The following CREBBP variants were observed in gnomAD, a reference collection of about 807,000 sequenced individuals.
CREBBP encodes CREB binding lysine acetyltransferase, also known as CREB-binding protein.
A neutral mutation model predicts 265.0 loss-of-function variants in CREBBP; 19 were observed. The observed-to-expected ratio is 0.07, with a 90% CI of 0.05 to 0.11. The LOEUF is 0.11. Ranked by LOEUF, CREBBP falls within the 10% of genes least tolerant of loss-of-function variation. The pLI is 1.00. For synonymous variants in CREBBP, 1,457 were observed against 1,223.7 expected (o/e 1.19, Z -3.98); for missense variants, 2,525 against 3,219.0 (o/e 0.78, Z 5.22).
chr16:3,733,937 C>T (rs956947206), intron 28 of CREBBP, among the ~76,000 whole-genome samples: 8 of 152,178 alleles, frequency 5.3e-5, no homozygotes, highest in Admixed American at 1.3e-4. Context: ...CCACCACGCC[C>T]GGCCTGGAAG....
chr16:3,812,474 C>T (rs1303009665), intron 2 of CREBBP, among the ~76,000 whole-genome samples: 1 of 151,892 alleles, frequency 6.6e-6, no homozygotes, highest in Non-Finnish European at 1.5e-5. Flanking sequence ...CCACTGCGCC[C>T]GGCCTAAAAT....
rs2051767551 is a variant in CREBBP at position 3,727,216 on chromosome 16, G to C, written c.*502C>G. 1 of 255,336 alleles carries C rather than the reference G, an allele frequency of 3.9e-6. No individual in the cohort carries two copies. Among genetic ancestry groups the C allele is most frequent in the Admixed American group, 5.0e-5 (1 of 19,970 alleles). The allele number at this position is 255,336 out of a possible 1,614,324, so 15.8% of individuals were successfully genotyped here. On this transcript the variant is annotated 3_prime_UTR_variant, in exon 31 of 31. Transcript: ENST00000262367. ...GGTAATACTGGGAGACGCCCACAGA[G>C]TTCACTATAGAAAAAAATCTTCCCG... is the stretch of plus-strand genomic sequence containing the variant.
intron 16 of CREBBP, among the ~76,000 whole-genome samples, chr16:3,762,553 G>C (rs2052746755): frequency 6.6e-6 from 1 of 151,890 alleles, no homozygotes; most frequent in Non-Finnish European, 1.5e-5. Context: ...CAGAAGTGAA[G>C]TCAGGAGTGT....
Position 3,731,078 on chromosome 16 carries a change from G to T in CREBBP, c.5172+114C>A. The T allele has an allele frequency of 1.8e-6, 2 of 1,097,948 alleles. No homozygotes were observed. Among genetic ancestry groups the T allele is most frequent in the Non-Finnish European group, 2.7e-6 (2 of 742,430 alleles). 68.0% of individuals were successfully genotyped at this position (1,097,948 alleles called of 1,614,324 possible). A position where few individuals can be genotyped will look rare whatever the true frequency, so the allele number is the denominator to read the frequency against. On this transcript the variant is annotated intron_variant, in intron 30 of 30. Transcript: ENST00000262367. This position sits in a 1 kb window ranked among gnomAD's most constrained non-coding sequence, Gnocchi z 7.7. ...GTGACGCTGTCCTAGTTCTGGAGGA[G>T]TCAGTGCAGCCACCATCAGGTACAG...
Position 3,729,988 on chromosome 16 carries a change from G to A in CREBBP, c.5173-114C>T, listed in dbSNP as rs1381837777. On this transcript the variant is annotated intron_variant, in intron 30 of 30. Coordinates refer to ENST00000262367, the MANE Select transcript of CREBBP (RefSeq NM_004380.3). Reference sequence around the variant, plus strand: ...GGGTCTGTGCCAGGAGACCCAGGCAGGATAGGAGACCCAGACAGGATGCGA... The same window carrying A: ...GGGTCTGTGCCAGGAGACCCAGGCAAGATAGGAGACCCAGACAGGATGCGA... 4 of 1,520,664 alleles carry A rather than the reference G, an allele frequency of 2.6e-6. 1 individual carries two copies. The South Asian group carries it at 4.8e-5, about 18-fold the overall frequency. 94.2% of individuals were successfully genotyped at this position (1,520,664 alleles called of 1,614,324 possible).
At chr16:3,869,392 A>T (rs1360945440) in intron 1 of CREBBP, among the ~76,000 whole-genome samples, 1 of 152,224 alleles carries the variant, frequency 6.6e-6, no homozygotes, top group African/African-American at 2.4e-5. Context: ...CTAAGCCGTG[A>T]ATATTTTTGA....
chr16:3,765,075 A>T (rs1297230258), intron 16 of CREBBP, among the ~76,000 whole-genome samples: 1 of 151,356 alleles, frequency 6.6e-6, no homozygotes, highest in East Asian at 2.0e-4. Context: ...CTGGGTTCAC[A>T]CCATTCTCCT....
At chr16:3,847,473 T>C (rs2054691514) in intron 2 of CREBBP, among the ~76,000 whole-genome samples, 1 of 152,220 alleles carries the variant, frequency 6.6e-6, no homozygotes, top group Admixed American at 6.6e-5. Flanking sequence ...TGGTCTTTCA[T>C]TCCACCCAAA....
rs559297029 is a variant in CREBBP, at chr16:3,794,471, T to C, written c.976-845A>G. On this transcript the variant is annotated intron_variant, in intron 3 of 30. Coordinates refer to ENST00000262367, the MANE Select transcript of CREBBP (RefSeq NM_004380.3). Reference sequence around the variant, plus strand: ...CATTATCACATGACTAGAAGGACAATGCGTGCAGCTTGATTTCACAGCAAC... The same window carrying C: ...CATTATCACATGACTAGAAGGACAACGCGTGCAGCTTGATTTCACAGCAAC... Among the ~76,000 whole-genome samples, 7 of 147,928 alleles carry C rather than the reference T, an allele frequency of 4.7e-5. 1 individual carries two copies. In the South Asian group the frequency reaches 1.1e-3, roughly 22 times the overall value.
chr16:3,839,456 G>A (rs756243378), intron 2 of CREBBP, among the ~76,000 whole-genome samples: 2 of 152,026 alleles, frequency 1.3e-5, no homozygotes, highest in African/African-American at 2.4e-5. Flanking sequence ...TGAGGCAGGC[G>A]GATCACCTGA....
At chr16:3,749,802 C>G (rs1249203523) in intron 20 of CREBBP, 119 bp from the exon 21 acceptor site, 1 of 650,374 alleles carries the variant, frequency 1.5e-6, no homozygotes, top group Admixed American at 2.7e-5. Flanking sequence ...ACATGATGGC[C>G]CCTTAAAATC....
At chr16:3,742,926 C>T (rs1198286661) in intron 23 of CREBBP, 2 of 152,236 alleles carry the variant, frequency 1.3e-5, no homozygotes, top group Non-Finnish European at 2.9e-5. Flanking sequence ...TGCCATTCCG[C>T]CCAGTCACCT....
At chr16:3,735,861 G>A (rs1187053833) in intron 28 of CREBBP, among the ~76,000 whole-genome samples, 175 bp downstream of exon 28, 1 of 152,180 alleles carries the variant, frequency 6.6e-6, no homozygotes. Flanking sequence ...TGCAGAGAGT[G>A]CAGAGCCCAC....
In CREBBP at chr16:3,728,134, T is replaced by C; in HGVS notation, c.6913A>G (p.Ile2305Val). ...ILQQQQMKQQ[I>V]GSPGQPNPMS... ...GGGTTCGGCTGGCCTGGGGACCCAA[T>C]CTGCTGCTTCATCTGCTGTTGCTGC... Residue 2305 changes from isoleucine to valine, a missense_variant, in exon 31 of 31, where the codon ATT becomes GTT. Ile to Val is a conservative substitution (Grantham distance 29). Around this residue, in one of 19 missense-constraint regions of CREBBP, gnomAD observed 473 missense variants for 459.3 expected, o/e 1.03. Transcript: ENST00000262367. This position sits in a 1 kb window ranked among gnomAD's most constrained non-coding sequence, Gnocchi z 8.7. 1 of 1,614,102 alleles carries C rather than the reference T, an allele frequency of 6.2e-7. No homozygotes were observed. Among genetic ancestry groups the C allele is most frequent in the Non-Finnish European group, 8.5e-7 (1 of 1,180,000 alleles).
chr16:3,852,390 G>A (rs1025025349), intron 1 of CREBBP, among the ~76,000 whole-genome samples: 4 of 151,480 alleles, frequency 2.6e-5, no homozygotes, highest in East Asian at 2.0e-4. Flanking sequence ...GGATGGTCTC[G>A]ATCTCCTGAC....
intron 5 of CREBBP, among the ~76,000 whole-genome samples, chr16:3,786,323 G>A (rs981424616): frequency 2.6e-5 from 4 of 152,008 alleles, no homozygotes; most frequent in East Asian, 1.9e-4. Context: ...CTGAGATCGC[G>A]CCACTACACT....
chr16:3,748,309 TATAAA>T (rs1399416837), intron 21 of CREBBP, among the ~76,000 whole-genome samples: 2 of 149,982 alleles, frequency 1.3e-5, no homozygotes, highest in African/African-American at 4.9e-5. Flanking sequence ...GAAAAGTAGA[TATAAA>T]TAATAATGAA....
At chr16:3,803,977 G>A (rs907993506) in intron 3 of CREBBP, among the ~76,000 whole-genome samples, 7 of 151,912 alleles carry the variant, frequency 4.6e-5, no homozygotes, top group Non-Finnish European at 5.9e-5. Context: ...CAAGCTACTC[G>A]GGGGCTGAAG....
intron 1 of CREBBP, among the ~76,000 whole-genome samples, chr16:3,865,938 G>A (rs971592163): frequency 2.6e-4 from 39 of 152,152 alleles, no homozygotes; most frequent in Non-Finnish European, 5.0e-4. Flanking sequence ...GCCCGGCCAA[G>A]AAACTGATTT....
Sources: allele counts gnomAD v4.1 joint callset (sites outside exome capture counted in the v4.1 genomes callset), GRCh38; gene constraint gnomAD v4.1.1; regional missense constraint gnomAD v4.1.1; non-coding constraint Gnocchi (gnomAD v3.1); transcripts MANE v1.5; gene names NCBI Gene and HGNC (gene_info 2026-07-23, HGNC 2026-07-21).